The following BCKDHB variants were observed in gnomAD, a reference collection of about 807,000 sequenced individuals.
BCKDHB encodes the protein 2-oxoisovalerate dehydrogenase subunit beta, mitochondrial.
Under a neutral mutation model 48.5 loss-of-function variants are expected in BCKDHB, and 41 were observed. That is an observed-to-expected ratio of 0.85 (90% CI 0.66 to 1.10). BCKDHB has a LOEUF of 1.10. Ranked by LOEUF, BCKDHB falls within the 50% of genes least tolerant of loss-of-function variation. The probability of loss-of-function intolerance (pLI) is 0.00; values close to 1 mark genes in which losing one functional copy is unlikely to be tolerated. For synonymous variants in BCKDHB, 201 were observed against 174.8 expected (o/e 1.15, Z -1.18); for missense variants, 496 against 494.2 (o/e 1.00, Z -0.03).
chr6:80,164,586 G>A (rs1016157023), intron 3 of BCKDHB, among the ~76,000 whole-genome samples: 5 of 152,000 alleles, frequency 3.3e-5, no homozygotes, highest in South Asian at 2.1e-4. Flanking sequence ...GAATGTTTTC[G>A]TTTTGTTTGC....
At chr6:80,447,760 G>C in the BCKDHB span, among the ~76,000 whole-genome samples, 5 of 152,102 alleles carry the variant, frequency 3.3e-5, no homozygotes, top group African/African-American at 4.8e-5. Context: ...GCCATAAATA[G>C]ATGCCATTTA....
chr6:80,318,818 A>C (rs1398340527), intron 9 of BCKDHB, among the ~76,000 whole-genome samples: 2 of 152,142 alleles, frequency 1.3e-5, no homozygotes, highest in Admixed American at 6.5e-5. Context: ...ATGTATTGTA[A>C]ATAATCTAGA....
intron 8 of BCKDHB, among the ~76,000 whole-genome samples, chr6:80,223,111 A>G (rs1485947889): frequency 6.6e-6 from 1 of 152,240 alleles, no homozygotes; most frequent in African/African-American, 2.4e-5. Flanking sequence ...AATCACAGCC[A>G]TTCATATTCA....
chr6:80,257,632 G>A (rs1777109526), intron 8 of BCKDHB, among the ~76,000 whole-genome samples: 1 of 152,004 alleles, frequency 6.6e-6, no homozygotes, highest in South Asian at 2.1e-4. Context: ...CAGGCTGTCT[G>A]TAAGCTAGAG....
chr6:80,182,508 TAA>T (rs1287872893), intron 6 of BCKDHB, among the ~76,000 whole-genome samples: 2 of 152,184 alleles, frequency 1.3e-5, no homozygotes, highest in African/African-American at 4.8e-5. Context: ...TGTTCCTGAA[TAA>T]AATTTTAATA....
intron 1 of BCKDHB, among the ~76,000 whole-genome samples, chr6:80,120,864 T>C (rs866228350): frequency 1.3e-5 from 2 of 152,238 alleles, no homozygotes; most frequent in African/African-American, 4.8e-5. Context: ...CTCTTTAGTT[T>C]AATTAGATCC....
At chr6:80,315,943 A>G (rs1768424550) in intron 9 of BCKDHB, among the ~76,000 whole-genome samples, 1 of 152,190 alleles carries the variant, frequency 6.6e-6, no homozygotes, top group South Asian at 2.1e-4. Context: ...TTACACCGCA[A>G]TTTAGAGTAT....
chr6:80,344,426 A>T lies in BCKDHB; in HGVS notation c.*622A>T, dbSNP rs998153275. 17 of 152,164 alleles carry T rather than the reference A, an allele frequency of 1.1e-4. No homozygotes were observed. The highest frequency in any genetic ancestry group is 4.2e-4 in the African/African-American group (17 of 40,308). The allele number at this position is 152,164 out of a possible 1,614,324, so 9.4% of individuals were successfully genotyped here. A position where few individuals can be genotyped will look rare whatever the true frequency, so the allele number is the denominator to read the frequency against. ...AGTGGTGCGATCTTGGCTCATGGCA[A>T]CCTCTGCCTCCCAGGTTCAAGCGAT... On this transcript the variant is annotated 3_prime_UTR_variant, in exon 10 of 10. Transcript: ENST00000320393.
In BCKDHB at chr6:80,345,227, A is replaced by T. The variant is rs1202543516; in HGVS notation, c.*1423A>T. 1 of 152,188 alleles carries T rather than the reference A, an allele frequency of 6.6e-6. No individual in the cohort carries two copies. The highest frequency in any genetic ancestry group is 2.4e-5 in the African/African-American group (1 of 41,446). 9.4% of individuals were successfully genotyped at this position (152,188 alleles called of 1,614,324 possible). A position where few individuals can be genotyped will look rare whatever the true frequency, so the allele number is the denominator to read the frequency against. On this transcript the variant is annotated 3_prime_UTR_variant, in exon 10 of 10. Coordinates refer to ENST00000320393, the MANE Select transcript of BCKDHB (RefSeq NM_183050.4). ...CTAGCACTGACACACTGATTTTGAA[A>T]TGTTTCAAAATGAGTAGATATGATT... is the stretch of plus-strand genomic sequence containing the variant.
chr6:80,250,478 T>A (rs1776792001), intron 8 of BCKDHB, among the ~76,000 whole-genome samples: 1 of 152,046 alleles, frequency 6.6e-6, no homozygotes, highest in Non-Finnish European at 1.5e-5. Context: ...AGCCCTTGAT[T>A]GACAGAAATG....
chr6:80,187,226 T>C (rs1773683344), intron 6 of BCKDHB, among the ~76,000 whole-genome samples: 1 of 152,214 alleles, frequency 6.6e-6, no homozygotes. Flanking sequence ...CTTTGCAGTA[T>C]CATTTGATTA....
chr6:80,400,781 G>T, the BCKDHB span, among the ~76,000 whole-genome samples: 1 of 151,840 alleles, frequency 6.6e-6, no homozygotes, highest in Non-Finnish European at 1.5e-5. Flanking sequence ...TGATTGCAGC[G>T]CTATTCACAA....
the BCKDHB span, among the ~76,000 whole-genome samples, chr6:80,402,609 G>T: frequency 6.6e-6 from 1 of 151,704 alleles, no homozygotes; most frequent in Non-Finnish European, 1.5e-5. Flanking sequence ...TTTTTAGATG[G>T]ATGTAATCAC....
the BCKDHB span, among the ~76,000 whole-genome samples, chr6:80,351,843 C>A: frequency 8.4e-5 from 12 of 142,018 alleles, no homozygotes; most frequent in African/African-American, 2.6e-4. Context: ...TTTTTTGAGA[C>A]GGAGTTTCGC....
the BCKDHB span, among the ~76,000 whole-genome samples, chr6:80,359,030 G>A: frequency 6.6e-6 from 1 of 152,154 alleles, no homozygotes; most frequent in East Asian, 1.9e-4. Flanking sequence ...TTACTCTGGG[G>A]CTTTTTCACA....
intron 6 of BCKDHB, among the ~76,000 whole-genome samples, chr6:80,200,617 T>G (rs1220779221): frequency 6.6e-6 from 1 of 152,202 alleles, no homozygotes; most frequent in Non-Finnish European, 1.5e-5. Flanking sequence ...GATACAATTA[T>G]TATAGTTAAT....
At chr6:80,167,137 T>C (rs1352673316) in intron 3 of BCKDHB, among the ~76,000 whole-genome samples, 1 of 152,170 alleles carries the variant, frequency 6.6e-6, no homozygotes, top group Non-Finnish European at 1.5e-5. Flanking sequence ...GTTTTCCCTC[T>C]TTATCTCTGG....
At chr6:80,455,027 T>A in the BCKDHB span, among the ~76,000 whole-genome samples, 1 of 152,148 alleles carries the variant, frequency 6.6e-6, no homozygotes, top group Non-Finnish European at 1.5e-5. Flanking sequence ...GCCTCATATT[T>A]CCTATTTTAC....
chr6:80,171,127 G>T (rs1270661464), intron 5 of BCKDHB, among the ~76,000 whole-genome samples, 155 bp from the exon 6 acceptor site: 1 of 151,916 alleles, frequency 6.6e-6, no homozygotes, highest in East Asian at 1.9e-4. Context: ...TATATAATAT[G>T]TAAACTTAAT....
Sources: allele counts gnomAD v4.1 joint callset (sites outside exome capture counted in the v4.1 genomes callset), GRCh38; gene constraint gnomAD v4.1.1; transcripts MANE v1.5; gene names NCBI Gene and HGNC (gene_info 2026-07-23, HGNC 2026-07-21).